Variants in RASGRF1 observed in about 807,000 individuals in gnomAD.
The protein encoded by RASGRF1 is ras-specific guanine nucleotide-releasing factor 1.
A neutral mutation model predicts 138.7 loss-of-function variants in RASGRF1; 40 were observed. The observed-to-expected ratio is 0.29, with a 90% CI of 0.22 to 0.38. The LOEUF (loss-of-function observed/expected upper bound fraction) is 0.38, where lower values mean the gene tolerates loss of function less well. Ranked by LOEUF, RASGRF1 falls within the 10% of genes least tolerant of loss-of-function variation. The pLI, the probability that RASGRF1 is intolerant of heterozygous loss-of-function variation, is 1.00. For missense variants in RASGRF1, 1,108 were observed against 1,650.4 expected, an observed-to-expected ratio of 0.67 and a Z score of 5.69; for synonymous variants, 614 against 663.2, an observed-to-expected ratio of 0.93 and a Z score of 1.14.
At position 79,073,405 on chromosome 15, in the gene RASGRF1, G is replaced by T. The variant is rs1450314559; in HGVS notation, c.277-8879C>A. 6.6e-6 allele frequency among the ~76,000 whole-genome samples: 1 copy of T among 152,200 alleles called. No individual in the cohort carries two copies. Among genetic ancestry groups the T allele is most frequent in the Non-Finnish European group, 1.5e-5 (1 of 68,032 alleles). ...CTCCCCAAACTGCCCCAACAGGGAAGTGAGGCGGGGAGTTTGCCTTAGGAA... is the reference window on the plus strand; with the variant it reads ...CTCCCCAAACTGCCCCAACAGGGAATTGAGGCGGGGAGTTTGCCTTAGGAA... On this transcript the variant is annotated intron_variant, in intron 1 of 26. Transcript: ENST00000558480. This position sits in a 1 kb window ranked among gnomAD's most constrained non-coding sequence, Gnocchi z 4.2.
rs760339291 is a variant in RASGRF1 at position 79,025,394 on chromosome 15, C to T, written c.1462G>A (p.Gly488Ser). 1 of 1,614,046 alleles carries T rather than the reference C, an allele frequency of 6.2e-7. No individual in the cohort carries two copies. Residue 488 changes from glycine (G) to serine (S), a missense_variant, in exon 10 of 27, where the codon GGC (glycine) becomes AGC (serine). Transcript: ENST00000558480. ...RLGSLSLKKE[G>S]ERQCFLFSKH... ...GAAAACAGGAAGCACTGTCGCTCGC[C>T]CTCTTTCTTTAGGGAGAGAGACCCC... is the stretch of plus-strand genomic sequence containing the variant.
chr15:78,963,433 T>C (rs2055585651), intron 26 of RASGRF1, among the ~76,000 whole-genome samples: 1 of 151,970 alleles, frequency 6.6e-6, no homozygotes, highest in Non-Finnish European at 1.5e-5. Flanking sequence ...TCCTGAGTAG[T>C]TGGGATCCCA....
chr15:79,058,464 G>A lies in RASGRF1; in HGVS notation c.401C>T (p.Thr134Ile). Residue 134 changes from threonine to isoleucine, a missense_variant, in exon 3 of 27, where the codon ACA becomes ATA. Transcript: ENST00000558480. ...IAHASYRTLA[T>I]EHEALMQKYL... ...TTTCTGCATTAATGCCTCATGCTCT[G>A]TGGCGAGGGTCCTGTAGCTGTGGAC... The A allele has an allele frequency of 6.2e-7, 1 of 1,614,186 alleles. No homozygotes were observed.
chr15:78,986,351 C>CT (rs111273337), intron 22 of RASGRF1, among the ~76,000 whole-genome samples: 216 of 144,532 alleles, frequency 1.5e-3, no homozygotes, highest in East Asian at 4.0e-3. Context: ...TTCTAAGACT[C>CT]TTTTTTTTTT....
intron 1 of RASGRF1, among the ~76,000 whole-genome samples, chr15:79,087,042 C>G (rs1358085943): frequency 6.6e-6 from 1 of 152,162 alleles, no homozygotes; most frequent in Non-Finnish European, 1.5e-5. Context: ...CTTCATGAGG[C>G]CTTAGGATCC....
intron 1 of RASGRF1, among the ~76,000 whole-genome samples, chr15:79,087,711 C>T (rs1438942342): frequency 1.3e-5 from 2 of 152,236 alleles, no homozygotes; most frequent in African/African-American, 4.8e-5. Flanking sequence ...CTGCTGGCAC[C>T]ATCGATTTTA....
intron 3 of RASGRF1, among the ~76,000 whole-genome samples, chr15:79,053,399 C>A (rs541899430): frequency 6.6e-6 from 1 of 152,356 alleles, no homozygotes; most frequent in East Asian, 1.9e-4. Flanking sequence ...CAGCCACCTG[C>A]AAACTCCTAT....
intron 26 of RASGRF1, among the ~76,000 whole-genome samples, chr15:78,967,189 G>A (rs1054930570): frequency 7.2e-5 from 11 of 152,064 alleles, no homozygotes; most frequent in African/African-American, 2.7e-4. Context: ...GTTGCAGTGA[G>A]CTATGATTGT....
At chr15:79,008,296 C>A (rs1215762823) in intron 13 of RASGRF1, among the ~76,000 whole-genome samples, 1 of 152,172 alleles carries the variant, frequency 6.6e-6, no homozygotes, top group Non-Finnish European at 1.5e-5. Flanking sequence ...TTATCGAGTG[C>A]CTTCAATGAG....
chr15:79,000,009 A>G, intron 16 of RASGRF1, 96 bp from the exon 17 acceptor site: 1 of 1,342,600 alleles, frequency 7.4e-7, no homozygotes, highest in South Asian at 1.3e-5. Flanking sequence ...CAGCCTTAAG[A>G]GCCAGCAGGC....
At chr15:79,066,476 T>G (rs188258853) in intron 1 of RASGRF1, among the ~76,000 whole-genome samples, 135 of 152,302 alleles carry the variant, frequency 8.9e-4, no homozygotes, top group Non-Finnish European at 1.5e-3. Context: ...ACAGGCACAG[T>G]GGAGTTGCTG....
At chr15:79,049,394 C>T (rs942040861) in intron 4 of RASGRF1, 102 bp downstream of exon 4, 149 of 1,076,760 alleles carry the variant, frequency 1.4e-4, no homozygotes, top group Middle Eastern at 2.3e-4. Context: ...ATGGGGGGCA[C>T]GCTCTGAGGA....
At chr15:79,061,667 C>G (rs1033969470) in intron 2 of RASGRF1, among the ~76,000 whole-genome samples, 1 of 152,030 alleles carries the variant, frequency 6.6e-6, no homozygotes, top group Admixed American at 6.5e-5. Context: ...TAACTGGAAC[C>G]AAATATCATG....
intron 8 of RASGRF1, among the ~76,000 whole-genome samples, chr15:79,031,034 C>A (rs1428193279): frequency 1.3e-5 from 2 of 152,350 alleles, no homozygotes; most frequent in Admixed American, 6.5e-5. Context: ...GGGCCTGTCA[C>A]CCAGGACCCC....
intron 12 of RASGRF1, among the ~76,000 whole-genome samples, 165 bp from the exon 13 acceptor site, chr15:79,015,574 T>C (rs1168510593): frequency 6.6e-6 from 1 of 152,232 alleles, no homozygotes; most frequent in African/African-American, 2.4e-5. Flanking sequence ...GCGCATCCTT[T>C]AGACTTTGGC....
chr15:79,013,938 A>G (rs767827144), intron 13 of RASGRF1, among the ~76,000 whole-genome samples: 1 of 152,248 alleles, frequency 6.6e-6, no homozygotes, highest in Non-Finnish European at 1.5e-5. Context: ...TAGGAAGAGA[A>G]AAATAGTTAT....
chr15:79,062,935 T>G (rs1394245507), intron 2 of RASGRF1, among the ~76,000 whole-genome samples: 3 of 151,996 alleles, frequency 2.0e-5, no homozygotes, highest in African/African-American at 4.8e-5. Flanking sequence ...AAGGCTTTTT[T>G]TTGTTGTTGT....
intron 26 of RASGRF1, among the ~76,000 whole-genome samples, chr15:78,969,557 T>C (rs2055709749): frequency 6.6e-6 from 1 of 152,020 alleles, no homozygotes; most frequent in African/African-American, 2.4e-5. Flanking sequence ...TAGTCCCAGC[T>C]ACTCAGGAGG....
rs1229720180 is a variant in RASGRF1, at chr15:79,046,308, C to A, written c.878+438G>T. ...GATTTATAACTCTTAAACATTTAAA[C>A]CAGGGTTCCTTAACCGTGGCACTAC... On this transcript the variant is annotated intron_variant, in intron 5 of 26. Transcript: ENST00000558480. The surrounding 1 kb of genome is among the most constrained non-coding windows in gnomAD (Gnocchi z 5.3). 6.6e-6 allele frequency among the ~76,000 whole-genome samples: 1 copy of A among 152,174 alleles called. No homozygotes were observed.
Sources: allele counts gnomAD v4.1 joint callset (sites outside exome capture counted in the v4.1 genomes callset), GRCh38; gene constraint gnomAD v4.1.1; non-coding constraint Gnocchi (gnomAD v3.1); transcripts MANE v1.5; gene names NCBI Gene and HGNC (gene_info 2026-07-23, HGNC 2026-07-21).